Variants in KIAA1217 observed in about 807,000 individuals in gnomAD.
KIAA1217 encodes the protein sickle tail protein homolog.
Under a neutral mutation model 163.9 loss-of-function variants are expected in KIAA1217, and 88 were observed. That is an observed-to-expected ratio of 0.54 (90% CI 0.45 to 0.64). The LOEUF (loss-of-function observed/expected upper bound fraction) is 0.64. Ranked by LOEUF, KIAA1217 falls within the 30% of genes least tolerant of loss-of-function variation. KIAA1217 has a pLI of 0.00. For missense variants in KIAA1217, 2,372 were observed against 2,475.0 expected (o/e 0.96, Z 0.88); for synonymous variants, 903 against 923.1 (o/e 0.98, Z 0.39).
Position 24,402,323 on chromosome 10 carries a change from G to A in KIAA1217, c.553+21256G>A, listed in dbSNP as rs528113790. On this transcript the variant is annotated intron_variant, in intron 3 of 20. Coordinates refer to ENST00000376454, the MANE Select transcript of KIAA1217 (RefSeq NM_019590.5). ...AGGTCGAGACCATCCTGGCTAACAC[G>A]GTGAAACCCTGTCTCTACTAAAAAA... 6.6e-5 allele frequency among the ~76,000 whole-genome samples: 10 copies of A among 151,862 alleles called. No homozygotes were observed. In the South Asian group the frequency reaches 8.4e-4, roughly 13 times the overall value.
At chr10:24,007,459 A>C (rs1847052126) in intron 2 of KIAA1217, 1 of 152,222 alleles carries the variant, frequency 6.6e-6, no homozygotes, top group Admixed American at 6.5e-5. Flanking sequence ...GCCTATCTAT[A>C]AAACTTGGCT....
At position 23,770,258 on chromosome 10, in the gene KIAA1217, A is replaced by G. The variant is rs1447470138; in HGVS notation, c.-321+75024A>G. Among the ~76,000 whole-genome samples the G allele has an allele frequency of 2.6e-5, 4 of 152,176 alleles. No homozygotes were observed. The South Asian group carries it at 8.3e-4, about 32-fold the overall frequency. On this transcript the variant is annotated intron_variant, in intron 1 of 18. Transcript: ENST00000376462. ...AACTTTCCCCTACTTGGTGGTTACC[A>G]TGTCTTCTACACCAGACACTGTCCT...
chr10:24,270,399 C>G (rs891002785), intron 2 of KIAA1217, among the ~76,000 whole-genome samples: 2 of 152,192 alleles, frequency 1.3e-5, no homozygotes, highest in Non-Finnish European at 1.5e-5. Flanking sequence ...CCCATCCCTC[C>G]ATCATCATCA....
intron 3 of KIAA1217, among the ~76,000 whole-genome samples, chr10:24,403,204 T>C (rs1374823338): frequency 6.6e-6 from 1 of 152,180 alleles, no homozygotes; most frequent in African/African-American, 2.4e-5. Context: ...GAAAAGTTGA[T>C]AATTGGATCT....
At chr10:24,509,580 CAGTTG>C (rs1341177086) in intron 9 of KIAA1217, among the ~76,000 whole-genome samples, 1 of 152,170 alleles carries the variant, frequency 6.6e-6, no homozygotes, top group Non-Finnish European at 1.5e-5. Context: ...AGAGCAAATA[CAGTTG>C]CCCCTTGAAC....
At chr10:24,534,881 CAAAAAA>C (rs71506838) in intron 16 of KIAA1217, among the ~76,000 whole-genome samples, 7 of 71,838 alleles carry the variant, frequency 9.7e-5, no homozygotes, top group African/African-American at 3.9e-4. Flanking sequence ...AACTCTGTCT[CAAAAAA>C]AAAAAAAAAA....
chr10:24,193,458 T>G (rs932463367), intron 2 of KIAA1217, among the ~76,000 whole-genome samples: 4 of 152,166 alleles, frequency 2.6e-5, no homozygotes, highest in African/African-American at 9.7e-5. Context: ...ATGGGGTCTT[T>G]GCTGTCCTAT....
chr10:24,018,836 G>A (rs1161293969), intron 2 of KIAA1217, among the ~76,000 whole-genome samples: 2 of 152,062 alleles, frequency 1.3e-5, no homozygotes, highest in East Asian at 1.9e-4. Context: ...TGGATGAATG[G>A]CTAAAGAATA....
intron 2 of KIAA1217, among the ~76,000 whole-genome samples, chr10:24,362,217 C>T (rs979745960): frequency 4.6e-5 from 7 of 152,034 alleles, no homozygotes; most frequent in Non-Finnish European, 8.8e-5. Flanking sequence ...CTATTATGAT[C>T]CATTGCCACA....
chr10:23,862,435 T>G (rs968856416), intron 1 of KIAA1217, among the ~76,000 whole-genome samples: 5 of 152,144 alleles, frequency 3.3e-5, no homozygotes, highest in Non-Finnish European at 5.9e-5. Flanking sequence ...TTGAGATGAT[T>G]CACAAATATC....
intron 2 of KIAA1217, among the ~76,000 whole-genome samples, chr10:24,009,815 G>C (rs1847164377): frequency 6.6e-6 from 1 of 152,252 alleles, no homozygotes; most frequent in East Asian, 1.9e-4. Flanking sequence ...TCTGCTGCAG[G>C]AGTTGTTGGA....
At chr10:23,812,478 A>G (rs1355480209) in intron 1 of KIAA1217, among the ~76,000 whole-genome samples, 1 of 147,118 alleles carries the variant, frequency 6.8e-6, no homozygotes, top group Admixed American at 6.9e-5. Flanking sequence ...GAAACTAATT[A>G]TTATTGTTTC....
intron 1 of KIAA1217, among the ~76,000 whole-genome samples, chr10:23,777,311 A>G (rs558670509): frequency 6.6e-6 from 1 of 152,216 alleles, no homozygotes; most frequent in African/African-American, 2.4e-5. Flanking sequence ...TTTCTTTTCT[A>G]TACAGCTTTT....
chr10:24,437,125 C>G (rs974571454), intron 4 of KIAA1217, among the ~76,000 whole-genome samples: 2 of 152,168 alleles, frequency 1.3e-5, no homozygotes, highest in Non-Finnish European at 1.5e-5. Context: ...TTTTTCATGG[C>G]TCCCGTGAGG....
chr10:23,837,881 A>G (rs1401478191), intron 1 of KIAA1217, among the ~76,000 whole-genome samples: 1 of 152,076 alleles, frequency 6.6e-6, no homozygotes, highest in Non-Finnish European at 1.5e-5. Context: ...ACTTCGTCAT[A>G]CTGGCTGTTA....
chr10:24,039,377 A>G (rs1848530574), intron 2 of KIAA1217, among the ~76,000 whole-genome samples: 1 of 152,148 alleles, frequency 6.6e-6, no homozygotes, highest in Admixed American at 6.6e-5. Flanking sequence ...TAGAAACCAT[A>G]CTTTGAATTT....
intron 1 of KIAA1217, among the ~76,000 whole-genome samples, chr10:23,838,529 A>G (rs1380824683): frequency 1.3e-5 from 2 of 151,338 alleles, no homozygotes; most frequent in East Asian, 3.9e-4. Flanking sequence ...GGCACCATCT[A>G]TGCTCACTGC....
intron 1 of KIAA1217, among the ~76,000 whole-genome samples, chr10:23,850,542 G>A (rs1839259410): frequency 6.6e-6 from 1 of 152,184 alleles, no homozygotes; most frequent in East Asian, 1.9e-4. Flanking sequence ...ACACCTTTGT[G>A]GGCCCAGTAC....
intron 2 of KIAA1217, among the ~76,000 whole-genome samples, chr10:24,270,638 T>G (rs943846263): frequency 7.9e-5 from 12 of 152,174 alleles, no homozygotes; most frequent in Admixed American, 7.9e-4. Context: ...CCTCCCAGGT[T>G]CAAGAGATTC....
Sources: allele counts gnomAD v4.1 joint callset (sites outside exome capture counted in the v4.1 genomes callset), GRCh38; gene constraint gnomAD v4.1.1; transcripts MANE v1.5; gene names NCBI Gene and HGNC (gene_info 2026-07-23, HGNC 2026-07-21).